The following JHY variants were observed in gnomAD, a reference collection of about 807,000 sequenced individuals.
The protein encoded by JHY is jhy protein homolog.
JHY carries 69 observed loss-of-function variants against 78.0 expected under a neutral mutation model. That is an observed-to-expected ratio of 0.88 (90% CI 0.73 to 1.08). The LOEUF (loss-of-function observed/expected upper bound fraction) is 1.08, where lower values mean the gene tolerates loss of function less well. Ranked by LOEUF, JHY falls within the 50% of genes least tolerant of loss-of-function variation. The pLI is 0.00. For synonymous variants in JHY, 368 were observed against 342.6 expected (o/e 1.07, Z -0.82); for missense variants, 944 against 927.8 (o/e 1.02, Z -0.23).
intron 2 of JHY, among the ~76,000 whole-genome samples, chr11:122,903,008 C>T (rs1862894934): frequency 6.6e-6 from 1 of 152,192 alleles, no homozygotes; most frequent in Non-Finnish European, 1.5e-5. Context: ...TTTTATAGGA[C>T]TGGCAGTGCA....
rs772686429 is a variant in JHY, at chr11:122,935,033, A to G, written c.1592A>G (p.Gln531Arg). The change falls in exon 5 of 9, where the codon CAG becomes CGG. Residue 531 changes from glutamine to arginine, a missense_variant. Coordinates refer to ENST00000227349, the MANE Select transcript of JHY (RefSeq NM_024806.4). The surrounding 1 kb of genome is among the most constrained non-coding windows in gnomAD (Gnocchi z 4.5). The stretch of plus-strand genomic sequence containing the variant: ...ACCAAAAATAAGAAACAACTCAAAC[A>G]GCCTTATACAGAGACAAAATACAGG... The part of the protein sequence containing the change: ...GSTKNKKQLK[Q>R]PYTETKYRNL... The G allele has an allele frequency of 6.3e-7, 1 of 1,587,732 alleles. No individual in the cohort carries two copies. The highest frequency in any genetic ancestry group is 2.2e-5 in the East Asian group (1 of 44,644).
At chr11:122,943,066 G>A (rs1462115082) in intron 5 of JHY, among the ~76,000 whole-genome samples, 1 of 151,894 alleles carries the variant, frequency 6.6e-6, no homozygotes, top group Non-Finnish European at 1.5e-5. Flanking sequence ...TTGGAGACAG[G>A]GTCTCATTAT....
rs770571931 is a variant in JHY, at chr11:122,959,315, A to G, written c.2207A>G (p.Glu736Gly). The change falls in exon 9 of 9, where the codon GAA (glutamate) becomes GGA (glycine). Residue 736 changes from glutamate (E) to glycine (G), a missense_variant. Coordinates refer to ENST00000227349, the MANE Select transcript of JHY (RefSeq NM_024806.4). ...AATCTGACTCATCAAGCATCAAAGG[A>G]ACAAAAAAATCCAACCTATGCTGGG... ...PSNLTHQASKEQKNPTYAGKE... is the reference protein window; with the variant it reads ...PSNLTHQASKGQKNPTYAGKE... The G allele has an allele frequency of 2.5e-6, 4 of 1,614,204 alleles. No homozygotes were observed. Among genetic ancestry groups the G allele is most frequent in the Non-Finnish European group, 3.4e-6 (4 of 1,180,026 alleles).
chr11:122,902,872 C>T (rs755926569), intron 2 of JHY, among the ~76,000 whole-genome samples: 1 of 152,074 alleles, frequency 6.6e-6, no homozygotes, highest in African/African-American at 2.4e-5. Flanking sequence ...GATTACAGTT[C>T]GACATGAGAT....
chr11:122,948,213 G>T (rs1189133710), intron 6 of JHY, among the ~76,000 whole-genome samples: 4 of 152,064 alleles, frequency 2.6e-5, no homozygotes, highest in Non-Finnish European at 5.9e-5. Context: ...GGAGGCTGAG[G>T]TGTGTGGATC....
intron 4 of JHY, among the ~76,000 whole-genome samples, chr11:122,932,731 A>G (rs1863661845): frequency 6.6e-6 from 1 of 152,220 alleles, no homozygotes; most frequent in Non-Finnish European, 1.5e-5. Context: ...ATTGTAATAT[A>G]GCAATTATTT....
rs559598383 is a variant in JHY, at chr11:122,936,473, C to T, written c.1634+1398C>T. Among the ~76,000 whole-genome samples, 231 of 151,416 alleles carry T rather than the reference C, an allele frequency of 1.5e-3. 1 individual carries two copies. Among genetic ancestry groups the T allele is most frequent in the African/African-American group, 5.4e-3 (221 of 41,244 alleles). On this transcript the variant is annotated intron_variant, in intron 5 of 8. Coordinates refer to ENST00000227349, the MANE Select transcript of JHY (RefSeq NM_024806.4). ...AGAAAGATTGTTTCTGACACTTTTA[C>T]CATTAAAAATAATATTTAGTTTTTG...
At chr11:122,905,493 C>CT in intron 3 of JHY, 1 of 1,196,338 alleles carries the variant, frequency 8.4e-7, no homozygotes, top group Non-Finnish European at 1.0e-6. Context: ...GTTCTAACCT[C>CT]TAAGCATTTT....
chr11:122,903,344 T>C (rs1051247639), intron 2 of JHY, among the ~76,000 whole-genome samples: 8 of 152,274 alleles, frequency 5.3e-5, no homozygotes, highest in Non-Finnish European at 8.8e-5. Context: ...AGTTGTCTTC[T>C]GACACTTAGA....
intron 5 of JHY, among the ~76,000 whole-genome samples, chr11:122,941,323 A>ATTTCTGTATACTAGTTG (rs1819428196): frequency 6.6e-6 from 1 of 152,214 alleles, no homozygotes; most frequent in Non-Finnish European, 1.5e-5. Context: ...GGGGTCACAC[A>ATTTCTGTATACTAGTTG]GATACCTCAA....
rs59941995 is a variant in JHY at position 122,911,905 on chromosome 11, CAAAAAAAAAAAAAAAA to C, written c.864+7476_864+7491del. ...GGGCAAGAAGAGCGAAACTCTGTCT[CAAAAAAAAAAAAAAAA>C]AAAAAAAAAAAAAAGAGACAAAGTA... is the stretch of plus-strand genomic sequence containing the variant. On this transcript the variant is annotated intron_variant, in intron 3 of 8. Coordinates refer to ENST00000227349, the MANE Select transcript of JHY (RefSeq NM_024806.4). Among the ~76,000 whole-genome samples, 7 of 49,736 alleles carry C rather than the reference CAAAAAAAAAAAAAAAA, an allele frequency of 1.4e-4. No individual in the cohort carries two copies. In the Admixed American group the frequency reaches 1.5e-3, roughly 11 times the overall value. 32.6% of individuals were successfully genotyped at this position (49,736 alleles called of 152,430 possible). A position where few individuals can be genotyped will look rare whatever the true frequency, so the allele number is the denominator to read the frequency against.
chr11:122,946,740 A>C lies in JHY; in HGVS notation c.1877A>C (p.Tyr626Ser). The C allele has an allele frequency of 3.1e-6, 5 of 1,614,024 alleles. No individual in the cohort carries two copies. Among genetic ancestry groups the C allele is most frequent in the Non-Finnish European group, 4.2e-6 (5 of 1,179,982 alleles). ...ATTAGCCGTAGCAATTCTGAAGGCT[A>C]TCTGTTTCAACTGGAAAAGGGAAAA... ...VKISRSNSEGYLFQLEKGKKH... is the reference protein window; with the variant it reads ...VKISRSNSEGSLFQLEKGKKH... Residue 626 changes from tyrosine to serine, a missense_variant, in exon 6 of 9, where the codon TAT becomes TCT. Transcript: ENST00000227349.
chr11:122,907,855 G>GAT (rs1309516323), intron 3 of JHY, among the ~76,000 whole-genome samples: 3 of 147,566 alleles, frequency 2.0e-5, no homozygotes, highest in Admixed American at 6.7e-5. Flanking sequence ...AAAAAAAGGT[G>GAT]ATTTTTTTTT....
intron 2 of JHY, among the ~76,000 whole-genome samples, chr11:122,900,199 A>G (rs1301997910): frequency 1.3e-5 from 2 of 152,350 alleles, no homozygotes; most frequent in Middle Eastern, 3.4e-3. Context: ...ATGTGAACTA[A>G]AAAATTCAAA....
Position 122,956,938 on chromosome 11 carries a change from T to C in JHY, c.2010+362T>C, listed in dbSNP as rs567959613. On this transcript the variant is annotated intron_variant, in intron 7 of 8. Transcript: ENST00000227349. ...CAGAGAAGACACTTACGGGAAGAGT[T>C]TCCCAACCCCTGAAAAGTGCATCCA... Among the ~76,000 whole-genome samples, 3 of 152,206 alleles carry C rather than the reference T, an allele frequency of 2.0e-5. No individual in the cohort carries two copies. The South Asian group carries it at 6.2e-4, about 32-fold the overall frequency.
chr11:122,895,059 T>C (rs1039768253), intron 2 of JHY, among the ~76,000 whole-genome samples: 1 of 152,236 alleles, frequency 6.6e-6, no homozygotes, highest in Non-Finnish European at 1.5e-5. Flanking sequence ...TCATTTTATT[T>C]ACTTAAAAGC....
intron 6 of JHY, among the ~76,000 whole-genome samples, chr11:122,956,255 T>G (rs1415916832): frequency 2.0e-5 from 3 of 152,214 alleles, no homozygotes; most frequent in Non-Finnish European, 2.9e-5. Context: ...GTTTCTTTAT[T>G]GCAGAAGTGG....
At chr11:122,940,197 G>T (rs1591393716) in intron 5 of JHY, among the ~76,000 whole-genome samples, 1 of 152,058 alleles carries the variant, frequency 6.6e-6, no homozygotes, top group Admixed American at 6.6e-5. Context: ...AATTTGCTGG[G>T]TGTGGTGGCA....
In JHY at chr11:122,934,950, C is replaced by G. The variant is rs764475710; in HGVS notation, c.1509C>G (p.His503Gln). 6.2e-7 allele frequency: 1 copy of G among 1,614,088 alleles called. No individual in the cohort carries two copies. The highest frequency in any genetic ancestry group is 8.5e-7 in the Non-Finnish European group (1 of 1,180,014). Residue 503 changes from histidine to glutamine, a missense_variant, in exon 5 of 9, where the codon CAC becomes CAG. By Grantham distance (24) the His-to-Gln change is conservative. Coordinates refer to ENST00000227349, the MANE Select transcript of JHY (RefSeq NM_024806.4). ...LNNLNELSKRHVLLSQKGSQF... is the reference protein window; with the variant it reads ...LNNLNELSKRQVLLSQKGSQF... ...ACCTTAATGAACTTTCTAAGAGACA[C>G]GTGCTCCTGAGCCAGAAAGGCTCTC...
Sources: gnomAD v4.1 joint callset for allele counts (sites outside exome capture counted in the v4.1 genomes callset) on GRCh38, gnomAD v4.1.1 for gene constraint, Gnocchi (gnomAD v3.1) non-coding constraint, MANE v1.5 for transcripts, NCBI Gene and HGNC (gene_info 2026-07-23, HGNC 2026-07-21) for gene names.